XPR1: variants seen among roughly 807,000 people sequenced by gnomAD.
XPR1 encodes the protein xenotropic and polytropic retrovirus receptor 1.
A neutral mutation model predicts 87.5 loss-of-function variants in XPR1; 28 were observed. The observed-to-expected ratio is 0.32, with a 90% CI of 0.24 to 0.44. The LOEUF (loss-of-function observed/expected upper bound fraction) is 0.44, where lower values mean the gene tolerates loss of function less well. XPR1 is among the 20% of genes least tolerant of loss of function. The pLI is 1.00. For missense variants in XPR1, 559 were observed against 862.3 expected, an observed-to-expected ratio of 0.65 and a Z score of 4.41; for synonymous variants, 300 against 306.1, an observed-to-expected ratio of 0.98 and a Z score of 0.21.
chr1:180,637,640 G>A (rs1337843927), intron 1 of XPR1, among the ~76,000 whole-genome samples: 6 of 152,074 alleles, frequency 3.9e-5, no homozygotes, highest in Non-Finnish European at 5.9e-5. Flanking sequence ...TACAACCTCC[G>A]TCTCCCAGGT....
chr1:180,806,423 T>G (rs1558017243), intron 5 of XPR1, 51 bp from the exon 6 acceptor site: 2 of 1,578,548 alleles, frequency 1.3e-6, no homozygotes, highest in Non-Finnish European at 1.7e-6. Flanking sequence ...TATTTGTGCA[T>G]CACTCAAGTT....
intron 12 of XPR1, 78 bp from the exon 13 acceptor site, chr1:180,873,725 T>A (rs1652575904): frequency 2.7e-6 from 4 of 1,500,506 alleles, no homozygotes; most frequent in South Asian, 2.6e-5. Flanking sequence ...GTCTTGTTTG[T>A]AGGACATATG....
intron 2 of XPR1, among the ~76,000 whole-genome samples, chr1:180,721,540 G>T (rs957781875): frequency 6.6e-6 from 1 of 152,136 alleles, no homozygotes; most frequent in African/African-American, 2.4e-5. Flanking sequence ...CTGGCTATGT[G>T]GTTCATGGTT....
At chr1:180,690,706 T>C (rs1398278467) in intron 2 of XPR1, among the ~76,000 whole-genome samples, 1 of 151,520 alleles carries the variant, frequency 6.6e-6, no homozygotes. Flanking sequence ...AAAAATTGAT[T>C]AATTCTCTTT....
intron 2 of XPR1, among the ~76,000 whole-genome samples, chr1:180,767,681 A>G (rs1424125776): frequency 6.6e-6 from 1 of 152,206 alleles, no homozygotes; most frequent in Non-Finnish European, 1.5e-5. Context: ...AAAATATTAC[A>G]TAAAAGGATA....
intron 2 of XPR1, among the ~76,000 whole-genome samples, chr1:180,773,862 A>T (rs561860682): frequency 3.1e-4 from 47 of 152,220 alleles, no homozygotes; most frequent in Non-Finnish European, 5.6e-4. Context: ...GTTAAGGTTT[A>T]TTAATCGAAT....
chr1:180,791,317 G>A (rs1184305138), intron 3 of XPR1, among the ~76,000 whole-genome samples: 3 of 152,130 alleles, frequency 2.0e-5, no homozygotes, highest in African/African-American at 7.2e-5. Flanking sequence ...TGTTGTCCAG[G>A]CTGGAGTGCA....
At chr1:180,859,265 TG>T (rs1361253342) in intron 11 of XPR1, among the ~76,000 whole-genome samples, 20 of 152,318 alleles carry the variant, frequency 1.3e-4, no homozygotes, top group Admixed American at 9.8e-4. Flanking sequence ...ATTCACACAA[TG>T]GCTATGGGTA....
chr1:180,704,814 G>GTTTTTTTTTTTTTTTTTTTT lies in XPR1; in HGVS notation c.121+22409_121+22428dup, dbSNP rs567903048. On this transcript the variant is annotated intron_variant, in intron 2 of 14. Transcript: ENST00000367590. ...GCCATTTTTCCAGGGACTGTTGGTT[G>GTTTTTTTTTTTTTTTTTTTT]TTTTTTTTTTTTTTTTTTTTTTTTT... 7.7e-5 allele frequency among the ~76,000 whole-genome samples: 4 copies of GTTTTTTTTTTTTTTTTTTTT among 51,944 alleles called. 1 individual carries two copies. Among genetic ancestry groups the GTTTTTTTTTTTTTTTTTTTT allele is most frequent in the Non-Finnish European group, 6.9e-5 (2 of 28,932 alleles). 34.1% of individuals were successfully genotyped at this position (51,944 alleles called of 152,430 possible).
At position 180,886,071 on chromosome 1, in the gene XPR1, G is replaced by C. The variant is rs1031629100; in HGVS notation, c.*2005G>C. On this transcript the variant is annotated 3_prime_UTR_variant, in exon 15 of 15. Transcript: ENST00000367590. ...AGCATGTCCCTTGGCCCAAATGGAAGAGGAAATGTTTAATTAATGCTTTTT... is the reference window on the plus strand; with the variant it reads ...AGCATGTCCCTTGGCCCAAATGGAACAGGAAATGTTTAATTAATGCTTTTT... 1.3e-5 allele frequency: 2 copies of C among 152,154 alleles called. No homozygotes were observed. The highest frequency in any genetic ancestry group is 4.8e-5 in the African/African-American group (2 of 41,458). 9.4% of individuals were successfully genotyped at this position (152,154 alleles called of 1,614,324 possible).
At chr1:180,810,167 G>A (rs979542317) in intron 6 of XPR1, among the ~76,000 whole-genome samples, 5 of 151,952 alleles carry the variant, frequency 3.3e-5, no homozygotes, top group African/African-American at 1.2e-4. Flanking sequence ...TTCAAAAATC[G>A]CTTTCTAAAT....
rs1309332917 is a variant in XPR1, at chr1:180,762,020, G to A, written c.122-25733G>A. 2.0e-5 allele frequency among the ~76,000 whole-genome samples: 3 copies of A among 149,072 alleles called. No homozygotes were observed. The Admixed American group carries it at 2.1e-4, about 10-fold the overall frequency. ...ATCATTCTCAGCAAACTATCGCAAG[G>A]ACAAAAAACCAAACACCGCATGTTC... On this transcript the variant is annotated intron_variant, in intron 2 of 14. Transcript: ENST00000367590.
At position 180,889,727 on chromosome 1, in the gene XPR1, G is replaced by A. The variant is rs1011352286; in HGVS notation, c.*5661G>A. On this transcript the variant is annotated 3_prime_UTR_variant, in exon 15 of 15. Coordinates refer to ENST00000367590, the MANE Select transcript of XPR1 (RefSeq NM_004736.4). Reference sequence around the variant, plus strand: ...GCACAGAAGCTTGTATCAATGAAGAGTATTTAGGAGGGGAATAGGGGGAAA... The same window carrying A: ...GCACAGAAGCTTGTATCAATGAAGAATATTTAGGAGGGGAATAGGGGGAAA... 1 of 152,200 alleles carries A rather than the reference G, an allele frequency of 6.6e-6. No homozygotes were observed. The highest frequency in any genetic ancestry group is 1.5e-5 in the Non-Finnish European group (1 of 68,038). The allele number at this position is 152,200 out of a possible 1,614,324, so 9.4% of individuals were successfully genotyped here.
chr1:180,667,722 C>T (rs1329266691), intron 1 of XPR1, among the ~76,000 whole-genome samples: 1 of 152,074 alleles, frequency 6.6e-6, no homozygotes, highest in Non-Finnish European at 1.5e-5. Context: ...CCATGAGGTC[C>T]AGGGCTTTTC....
intron 2 of XPR1, among the ~76,000 whole-genome samples, chr1:180,731,903 C>G (rs1466703939): frequency 6.6e-6 from 1 of 151,976 alleles, no homozygotes; most frequent in East Asian, 1.9e-4. Flanking sequence ...TTTTGAAATG[C>G]CTTTCTAGGC....
chr1:180,678,929 C>T (rs1366072857), intron 1 of XPR1, among the ~76,000 whole-genome samples: 1 of 150,812 alleles, frequency 6.6e-6, no homozygotes, highest in Admixed American at 6.6e-5. Context: ...GGCATGGTGG[C>T]TCACGCCTGT....
chr1:180,724,665 G>C (rs138096917), intron 2 of XPR1, among the ~76,000 whole-genome samples: 1 of 151,992 alleles, frequency 6.6e-6, no homozygotes, highest in Admixed American at 6.5e-5. Context: ...TCTTTTCCAC[G>C]TGTTGCCACT....
intron 2 of XPR1, among the ~76,000 whole-genome samples, chr1:180,763,034 C>T (rs140030678): frequency 7.4e-4 from 113 of 152,232 alleles, no homozygotes; most frequent in South Asian, 1.5e-3. Context: ...GTATGACAAC[C>T]GGAAGATTTT....
intron 7 of XPR1, among the ~76,000 whole-genome samples, chr1:180,822,331 C>T (rs540590415): frequency 3.9e-5 from 6 of 152,282 alleles, no homozygotes; most frequent in Admixed American, 1.3e-4. Context: ...TACAAGGAGC[C>T]GTCTTCCCCC....
Sources: allele counts gnomAD v4.1 joint callset (sites outside exome capture counted in the v4.1 genomes callset), GRCh38; gene constraint gnomAD v4.1.1; transcripts MANE v1.5; gene names NCBI Gene and HGNC (gene_info 2026-07-23, HGNC 2026-07-21).